The following DYRK1A variants were observed in gnomAD, a reference collection of about 807,000 sequenced individuals.
The protein encoded by DYRK1A is dual specificity tyrosine phosphorylation regulated kinase 1A.
In DYRK1A, 9 loss-of-function variants were observed where a neutral mutation model predicts 79.7. That is an observed-to-expected ratio of 0.11 (90% CI 0.07 to 0.20). The LOEUF (loss-of-function observed/expected upper bound fraction) is 0.20, where lower values mean the gene tolerates loss of function less well. DYRK1A is among the 10% of genes least tolerant of loss of function. The pLI is 1.00. For missense variants in DYRK1A, 622 were observed against 956.0 expected (o/e 0.65, Z 4.61); for synonymous variants, 349 against 329.7 (o/e 1.06, Z -0.63).
At chr21:37,397,840 C>T (rs1006864616) in intron 1 of DYRK1A, among the ~76,000 whole-genome samples, 25 of 152,140 alleles carry the variant, frequency 1.6e-4, no homozygotes, top group Admixed American at 8.5e-4. Context: ...CCCCAATCGC[C>T]TTACATGTGA....
chr21:37,511,548 A>G (rs1490230774), intron 11 of DYRK1A, among the ~76,000 whole-genome samples: 1 of 152,194 alleles, frequency 6.6e-6, no homozygotes, highest in East Asian at 1.9e-4. Context: ...GAGAGGAAGG[A>G]CATGAGGGAA....
intron 1 of DYRK1A, among the ~76,000 whole-genome samples, chr21:37,403,647 AAATAT>A (rs761085027): frequency 0.018 from 1,900 of 103,816 alleles, 32 homozygotes; most frequent in Non-Finnish European, 0.022. Context: ...AAAAAAAAAA[AAATAT>A]ATATATATAT....
chr21:37,493,933 C>CTTTTTTTTTTTTTT (rs35158368), intron 8 of DYRK1A, among the ~76,000 whole-genome samples: 1 of 114,220 alleles, frequency 8.8e-6, no homozygotes, highest in African/African-American at 3.3e-5. Context: ...TTTAATTCTT[C>CTTTTTTTTTTTTTT]TTTTTTTTTT....
intron 2 of DYRK1A, among the ~76,000 whole-genome samples, chr21:37,439,077 T>G (rs1004869760): frequency 5.9e-5 from 9 of 152,232 alleles, no homozygotes; most frequent in African/African-American, 1.4e-4. Flanking sequence ...CTTTTAAATT[T>G]CAGTTTCTGA....
chr21:37,440,740 G>A (rs1340727439), intron 2 of DYRK1A, among the ~76,000 whole-genome samples: 1 of 152,078 alleles, frequency 6.6e-6, no homozygotes, highest in Non-Finnish European at 1.5e-5. Flanking sequence ...ACTTTATTCT[G>A]ATTTAGTTTG....
chr21:37,488,309 T>TC, intron 6 of DYRK1A: 3 of 962,092 alleles, frequency 3.1e-6, no homozygotes, highest in Non-Finnish European at 3.7e-6. Flanking sequence ...GAACTTTAGA[T>TC]TAGACAAGTT....
chr21:37,505,160 T>TATG lies in DYRK1A; in HGVS notation c.1213-121_1213-119dup, dbSNP rs1365195648. 6.3e-5 allele frequency: 47 copies of TATG among 747,668 alleles called. No homozygotes were observed. The African/African-American group carries it at 8.3e-4, about 13-fold the overall frequency. 46.3% of individuals were successfully genotyped at this position (747,668 alleles called of 1,614,324 possible). A position where few individuals can be genotyped will look rare whatever the true frequency, so the allele number is the denominator to read the frequency against. Reference sequence around the variant, plus strand: ...TGTGTGAAAAGGCAGAGGATTTAACTATGAAGTGTCCTTTTTAATAAAGGC... The same window carrying TATG: ...TGTGTGAAAAGGCAGAGGATTTAACTATGATGAAGTGTCCTTTTTAATAAAGGC... On this transcript the variant is annotated intron_variant, in intron 9 of 11. Transcript: ENST00000647188.
At chr21:37,374,049 C>T (rs1312958532) in intron 1 of DYRK1A, among the ~76,000 whole-genome samples, 1 of 152,066 alleles carries the variant, frequency 6.6e-6, no homozygotes, top group Admixed American at 6.6e-5. Flanking sequence ...TGTAGCTATA[C>T]TTTTAGTAGT....
At chr21:37,400,345 A>G (rs2050030500) in intron 1 of DYRK1A, among the ~76,000 whole-genome samples, 2 of 152,000 alleles carry the variant, frequency 1.3e-5, no homozygotes, top group South Asian at 4.1e-4. Flanking sequence ...ATCATAAAAC[A>G]TTTATAGGTT....
At chr21:37,417,484 C>T (rs896104591) in intron 1 of DYRK1A, among the ~76,000 whole-genome samples, 12 of 130,032 alleles carry the variant, frequency 9.2e-5, no homozygotes, top group South Asian at 8.0e-4. Context: ...CCACTGCTCC[C>T]GGCCTTGTAT....
intron 1 of DYRK1A, among the ~76,000 whole-genome samples, chr21:37,391,922 C>CA (rs1303797811): frequency 1.3e-5 from 2 of 152,362 alleles, no homozygotes; most frequent in East Asian, 3.9e-4. Flanking sequence ...ATTAAACAAA[C>CA]ATACAGATCC....
chr21:37,494,417 T>C (rs1397064516), intron 8 of DYRK1A, among the ~76,000 whole-genome samples: 1 of 152,084 alleles, frequency 6.6e-6, no homozygotes, highest in Admixed American at 6.6e-5. Context: ...CACCACCTGG[T>C]CTCTCCTTCT....
chr21:37,371,256 T>C (rs1047619992), intron 1 of DYRK1A, among the ~76,000 whole-genome samples: 5 of 152,238 alleles, frequency 3.3e-5, no homozygotes, highest in African/African-American at 2.4e-5. Context: ...AAAATAATCA[T>C]TGAAGGTTCG....
intron 1 of DYRK1A, among the ~76,000 whole-genome samples, chr21:37,388,769 C>T (rs933377919): frequency 1.3e-5 from 2 of 151,244 alleles, no homozygotes; most frequent in Non-Finnish European, 2.9e-5. Context: ...CTCAGCCTCC[C>T]GAGTAGCTGA....
chr21:37,478,603 T>C lies in DYRK1A; in HGVS notation c.300+303T>C, dbSNP rs190016238. On this transcript the variant is annotated intron_variant, in intron 4 of 11. Coordinates refer to ENST00000647188, the MANE Select transcript of DYRK1A (RefSeq NM_001347721.2). ...TTCATTTGAGTTCTGTAATAACTTATTCAAAACAAGAAAGGGGAATAAGGA... is the reference window on the plus strand; with the variant it reads ...TTCATTTGAGTTCTGTAATAACTTACTCAAAACAAGAAAGGGGAATAAGGA... Among the ~76,000 whole-genome samples the C allele has an allele frequency of 3.8e-4, 58 of 152,240 alleles. 1 individual carries two copies. In the East Asian group the frequency reaches 5.4e-3, roughly 14 times the overall value.
In DYRK1A at chr21:37,372,429, ACAGAGTGGAG is replaced by A. The variant is rs200716182; in HGVS notation, c.-77+4804_-77+4813del. On this transcript the variant is annotated intron_variant, in intron 1 of 11. Transcript: ENST00000647188. Reference sequence around the variant, plus strand: ...GTGTCACTGCACTCCAGCCTGGGTGACAGAGTGGAGCACTGTCTCAAAAAAAAAAAAAAAG... The same window carrying A: ...GTGTCACTGCACTCCAGCCTGGGTGACACTGTCTCAAAAAAAAAAAAAAAG... Among the ~76,000 whole-genome samples the A allele has an allele frequency of 6.8e-3, 1,033 of 150,844 alleles. 11 individuals are homozygous for A. The highest frequency in any genetic ancestry group is 0.024 in the African/African-American group (991 of 40,880).
chr21:37,459,727 G>A (rs1278209214), intron 2 of DYRK1A, among the ~76,000 whole-genome samples: 1 of 152,184 alleles, frequency 6.6e-6, no homozygotes, highest in African/African-American at 2.4e-5. Flanking sequence ...TTCAGCAGCT[G>A]TCATCTGGTT....
At position 37,517,478 on chromosome 21, in the gene DYRK1A, T is replaced by C. The variant is rs1490958674; in HGVS notation, c.*4947T>C. ...TTGGGAATTTTTTTCTTTATTCTTG[T>C]AAAGTTTTGCTTCCATTATATACTC... On this transcript the variant is annotated 3_prime_UTR_variant, in exon 12 of 12. Coordinates refer to ENST00000647188, the MANE Select transcript of DYRK1A (RefSeq NM_001347721.2). The C allele has an allele frequency of 1.3e-5, 2 of 152,214 alleles. No homozygotes were observed. Among genetic ancestry groups the C allele is most frequent in the Admixed American group, 6.5e-5 (1 of 15,288 alleles). 9.4% of individuals were successfully genotyped at this position (152,214 alleles called of 1,614,324 possible). A position where few individuals can be genotyped will look rare whatever the true frequency, so the allele number is the denominator to read the frequency against.
chr21:37,382,231 T>A (rs1293429336), intron 1 of DYRK1A, among the ~76,000 whole-genome samples: 1 of 151,258 alleles, frequency 6.6e-6, no homozygotes, highest in Non-Finnish European at 1.5e-5. Flanking sequence ...AAAAAAAAAT[T>A]AAATTTTTTT....
Sources: allele counts gnomAD v4.1 joint callset (sites outside exome capture counted in the v4.1 genomes callset), GRCh38; gene constraint gnomAD v4.1.1; transcripts MANE v1.5; gene names NCBI Gene and HGNC (gene_info 2026-07-23, HGNC 2026-07-21).